Variants in GRIK1 observed in about 807,000 individuals in gnomAD.
The protein encoded by GRIK1 is glutamate ionotropic receptor kainate type subunit 1.
GRIK1 carries 69 observed loss-of-function variants against 105.7 expected under a neutral mutation model. The observed-to-expected ratio is 0.65, with a 90% confidence interval of 0.54 to 0.80. The LOEUF is 0.80. Ranked by LOEUF, GRIK1 falls within the 30% of genes least tolerant of loss-of-function variation. The pLI, the probability that GRIK1 is intolerant of heterozygous loss-of-function variation, is 0.00. For missense variants in GRIK1, 1,109 were observed against 1,167.3 expected (o/e 0.95, Z 0.73); for synonymous variants, 438 against 431.3 (o/e 1.02, Z -0.19).
chr21:29,715,964 G>T (rs1601519710), intron 1 of GRIK1, among the ~76,000 whole-genome samples: 1 of 152,132 alleles, frequency 6.6e-6, no homozygotes, highest in East Asian at 1.9e-4. Flanking sequence ...CCTATGTGTG[G>T]TGGGAGGGAC....
At chr21:29,644,405 A>C (rs980859875) in intron 6 of GRIK1, among the ~76,000 whole-genome samples, 4 of 152,204 alleles carry the variant, frequency 2.6e-5, no homozygotes, top group African/African-American at 9.7e-5. Context: ...TTGTTTAAAC[A>C]TGTTCACTGA....
At chr21:29,674,863 CAA>C (rs1182020915) in intron 3 of GRIK1, among the ~76,000 whole-genome samples, 2 of 152,130 alleles carry the variant, frequency 1.3e-5, no homozygotes, top group Non-Finnish European at 2.9e-5. Flanking sequence ...TCTTTTTACA[CAA>C]AGATTGAATT....
chr21:29,786,825 C>T (rs2066272804), intron 1 of GRIK1, among the ~76,000 whole-genome samples: 1 of 152,148 alleles, frequency 6.6e-6, no homozygotes, highest in South Asian at 2.1e-4. Context: ...TTCTAAGAGA[C>T]TCAGTATATA....
intron 7 of GRIK1, among the ~76,000 whole-genome samples, chr21:29,614,402 CTTTTTTT>C (rs35063316): frequency 1.3e-4 from 11 of 83,066 alleles, no homozygotes; most frequent in Non-Finnish European, 2.2e-4. Context: ...TAAAATCCCT[CTTTTTTT>C]TTTTTTTTTT....
chr21:29,691,647 A>G (rs2063586587), intron 2 of GRIK1, among the ~76,000 whole-genome samples: 1 of 152,224 alleles, frequency 6.6e-6, no homozygotes, highest in Non-Finnish European at 1.5e-5. Context: ...AATTCTGCAA[A>G]TTTAGAACGG....
chr21:29,549,042 T>C (rs1315839993), intron 16 of GRIK1, among the ~76,000 whole-genome samples: 3 of 152,218 alleles, frequency 2.0e-5, no homozygotes, highest in Non-Finnish European at 4.4e-5. Context: ...GTTTGTTTAT[T>C]GATTTATAGA....
intron 1 of GRIK1, among the ~76,000 whole-genome samples, chr21:29,744,046 T>C (rs1240183868): frequency 6.6e-6 from 1 of 152,218 alleles, no homozygotes; most frequent in African/African-American, 2.4e-5. Context: ...TTTACCTATG[T>C]AATCAACCTG....
At chr21:29,726,939 A>AT (rs1024251315) in intron 1 of GRIK1, among the ~76,000 whole-genome samples, 12 of 151,156 alleles carry the variant, frequency 7.9e-5, no homozygotes, top group African/African-American at 2.2e-4. Flanking sequence ...TATATTTTTT[A>AT]TTTTTTCTGA....
intron 8 of GRIK1, among the ~76,000 whole-genome samples, chr21:29,597,984 C>T (rs2061448746): frequency 6.6e-6 from 1 of 152,164 alleles, no homozygotes; most frequent in Non-Finnish European, 1.5e-5. Flanking sequence ...ACATTAAGCA[C>T]ACTGTCTTAT....
intron 3 of GRIK1, 120 bp from the exon 4 acceptor site, chr21:29,673,284 T>C (rs1361014885): frequency 6.7e-6 from 4 of 594,436 alleles, no homozygotes; most frequent in East Asian, 5.8e-5. Flanking sequence ...TTCCTAAAGG[T>C]TACACTCCTG....
chr21:29,845,719 C>G (rs748721622), intron 1 of GRIK1, among the ~76,000 whole-genome samples: 9 of 151,314 alleles, frequency 5.9e-5, no homozygotes, highest in Non-Finnish European at 8.8e-5. Context: ...TTCTTTTTCC[C>G]TTTAAATTTC....
intron 1 of GRIK1, among the ~76,000 whole-genome samples, chr21:29,765,873 A>G (rs2065650205): frequency 6.7e-6 from 1 of 149,428 alleles, no homozygotes; most frequent in Non-Finnish European, 1.5e-5. Context: ...TTTTTTTGAG[A>G]CAGAATCTCG....
At chr21:29,621,307 C>A (rs759554160) in intron 7 of GRIK1, among the ~76,000 whole-genome samples, 17 of 152,196 alleles carry the variant, frequency 1.1e-4, no homozygotes, top group Non-Finnish European at 1.8e-4. Flanking sequence ...TTTTCAGTTT[C>A]TTCCTAAGAA....
At chr21:29,929,928 C>T (rs143676834) in intron 1 of GRIK1, among the ~76,000 whole-genome samples, 12 of 152,170 alleles carry the variant, frequency 7.9e-5, no homozygotes, top group African/African-American at 1.2e-4. Flanking sequence ...TGTCCATCAG[C>T]GGATGAATGG....
At chr21:29,628,736 G>A (rs1320238991) in intron 7 of GRIK1, among the ~76,000 whole-genome samples, 2 of 152,166 alleles carry the variant, frequency 1.3e-5, no homozygotes, top group African/African-American at 4.8e-5. Flanking sequence ...TGTCTAATTA[G>A]CTAGATAATG....
chr21:29,566,751 CAT>C (rs1338132231), intron 14 of GRIK1, among the ~76,000 whole-genome samples: 1 of 152,110 alleles, frequency 6.6e-6, no homozygotes, highest in Non-Finnish European at 1.5e-5. Context: ...TCACGGTAAT[CAT>C]ATGAAAGACG....
chr21:29,872,499 T>C (rs547039742), intron 1 of GRIK1, among the ~76,000 whole-genome samples: 1 of 152,270 alleles, frequency 6.6e-6, no homozygotes, highest in African/African-American at 2.4e-5. Context: ...CTTTTGTATG[T>C]GGATATAACT....
chr21:29,808,915 C>T (rs550828756), intron 1 of GRIK1, among the ~76,000 whole-genome samples: 1 of 152,228 alleles, frequency 6.6e-6, no homozygotes, highest in Non-Finnish European at 1.5e-5. Flanking sequence ...GAGGCTGATA[C>T]ACTTTTTGAA....
chr21:29,561,792 T>A lies in GRIK1; in HGVS notation c.2188A>T (p.Thr730Ser). 1 of 1,614,088 alleles carries A rather than the reference T, an allele frequency of 6.2e-7. No individual in the cohort carries two copies. The highest frequency in any genetic ancestry group is 2.2e-5 in the East Asian group (1 of 44,878). Residue 730 changes from threonine (T) to serine (S), a missense_variant, in exon 15 of 18, where the codon ACC (threonine) becomes TCC (serine). Physicochemically the swap from Thr to Ser is moderately conservative, Grantham distance 58 (BLOSUM62 1). Around this residue, in one of 5 missense-constraint regions of GRIK1, gnomAD observed 264 missense variants for 306.9 expected, o/e 0.86. Transcript: ENST00000327783. ...MWAFMSSRQQTALVRNSDEGI... is the reference protein window; with the variant it reads ...MWAFMSSRQQSALVRNSDEGI... ...TCATCACTGTTTCTTACCAGGGCGG[T>A]CTGCTGCCTGCTGCTCATGAAAGCC...
Sources: gnomAD v4.1 joint callset for allele counts (sites outside exome capture counted in the v4.1 genomes callset) on GRCh38, gnomAD v4.1.1 for gene constraint, gnomAD v4.1.1 regional missense constraint, MANE v1.5 for transcripts, NCBI Gene and HGNC (gene_info 2026-07-23, HGNC 2026-07-21) for gene names.